Variants in NRK observed in about 807,000 individuals in gnomAD.
The protein encoded by NRK is nik-related protein kinase.
Under a neutral mutation model 125.2 loss-of-function variants are expected in NRK, and 67 were observed. The ratio of observed to expected loss-of-function variants is 0.54; its 90% CI spans 0.44 to 0.66. The LOEUF (loss-of-function observed/expected upper bound fraction) is 0.66, where lower values mean the gene tolerates loss of function less well. NRK is among the 30% of genes least tolerant of loss of function. NRK has a pLI of 0.00. For synonymous variants in NRK, 458 were observed against 429.0 expected (o/e 1.07, Z -0.84); for missense variants, 1,224 against 1,192.9 (o/e 1.03, Z -0.38).
rs748916299 is a variant in NRK at position 105,908,824 on chromosome X, C to T, written c.1183C>T (p.Leu395=). The change falls in exon 13 of 29, where the codon CTA becomes TTA. Residue 395 remains leucine, a synonymous_variant. Coordinates refer to ENST00000243300, the MANE Select transcript of NRK (RefSeq NM_198465.4). ...TGGGGAACCCTCTCAGCCAAGGTGGCTACCTGATCGAGAAGAGCCACAGGT... is the reference window on the plus strand; with the variant it reads ...TGGGGAACCCTCTCAGCCAAGGTGGTTACCTGATCGAGAAGAGCCACAGGT... The part of the protein sequence containing the change: ...LHGEPSQPRW[L]PDREEPQVQA... The T allele has an allele frequency of 8.3e-7, 1 of 1,210,852 alleles. No individual in the cohort carries two copies. The highest frequency in any genetic ancestry group is 1.1e-6 in the Non-Finnish European group (1 of 894,780).
chrX:105,953,346 A>T (rs938911139), intron 28 of NRK, among the ~76,000 whole-genome samples, 173 bp downstream of exon 28: 4 of 112,365 alleles, frequency 3.6e-5, no homozygotes, highest in African/African-American at 1.3e-4. Flanking sequence ...AGAAACGCTA[A>T]TTTGGTAAGT....
intron 2 of NRK, among the ~76,000 whole-genome samples, chrX:105,871,189 C>T (rs1447022315): frequency 9.0e-6 from 1 of 111,391 alleles, no homozygotes; most frequent in Non-Finnish European, 1.9e-5. Flanking sequence ...CTTGGCACTT[C>T]GATTATTTTG....
At chrX:105,858,540 C>T (rs970604308) in intron 2 of NRK, among the ~76,000 whole-genome samples, 4 of 110,804 alleles carry the variant, frequency 3.6e-5, no homozygotes, top group African/African-American at 1.3e-4. Flanking sequence ...TTCAGGCTCA[C>T]TTATACTGCC....
intron 10 of NRK, 29 bp from the exon 11 acceptor site, chrX:105,906,385 T>A: frequency 9.9e-7 from 1 of 1,012,709 alleles, no homozygotes; most frequent in Non-Finnish European, 1.3e-6. Flanking sequence ...GAGAACACTT[T>A]TTTTTCCTCT....
At chrX:105,933,937 A>C (rs1202053891) in intron 19 of NRK, among the ~76,000 whole-genome samples, 2 of 111,723 alleles carry the variant, frequency 1.8e-5, no homozygotes, top group Admixed American at 9.6e-5. Context: ...GGGCTATGGT[A>C]AGGATTCACA....
chrX:105,929,268 CTT>C (rs1440262408), intron 19 of NRK, among the ~76,000 whole-genome samples: 1 of 111,016 alleles, frequency 9.0e-6, no homozygotes, highest in African/African-American at 3.3e-5. Context: ...CATTCTTTGA[CTT>C]TTAACACCTG....
chrX:105,937,511 A>G lies in NRK; in HGVS notation c.3728A>G (p.Lys1243Arg), dbSNP rs2040681370. Residue 1243 changes from lysine (K) to arginine (R), a missense_variant, in exon 22 of 29, where the codon AAA becomes AGA. Coordinates refer to ENST00000243300, the MANE Select transcript of NRK (RefSeq NM_198465.4). ...MDRSGKADIT[K>R]LIRRRPFRQI... Reference sequence around the variant, plus strand: ...AGAAGTGGAAAGGCTGACATTACTAAACTTATAAGGCGAAGACCATTCCGC... The same window carrying G: ...AGAAGTGGAAAGGCTGACATTACTAGACTTATAAGGCGAAGACCATTCCGC... 2.5e-6 allele frequency: 3 copies of G among 1,199,116 alleles called. No homozygotes were observed. The highest frequency in any genetic ancestry group is 3.4e-6 in the Non-Finnish European group (3 of 885,590).
At position 105,835,773 on chromosome X, in the gene NRK, A is replaced by T. The variant is rs566302858; in HGVS notation, c.123+4654A>T. Among the ~76,000 whole-genome samples, 16 of 109,757 alleles carry T rather than the reference A, an allele frequency of 1.5e-4. No homozygotes were observed. The South Asian group carries it at 6.3e-3, about 43-fold the overall frequency. Reference sequence around the variant, plus strand: ...CTGGACCTGGTTTCCTACCTTTCCCACTGCAGTGGCTTCTCATCTCCATCA... The same window carrying T: ...CTGGACCTGGTTTCCTACCTTTCCCTCTGCAGTGGCTTCTCATCTCCATCA... On this transcript the variant is annotated intron_variant, in intron 2 of 28. Transcript: ENST00000243300.
intron 19 of NRK, among the ~76,000 whole-genome samples, chrX:105,928,122 G>A (rs944681302): frequency 7.2e-5 from 8 of 111,105 alleles, no homozygotes; most frequent in African/African-American, 2.6e-4. Flanking sequence ...TAGGGTACTG[G>A]ACTTTTCTTT....
intron 16 of NRK, among the ~76,000 whole-genome samples, chrX:105,919,376 T>C (rs2040409313): frequency 9.0e-6 from 1 of 111,667 alleles, no homozygotes; most frequent in African/African-American, 3.2e-5. Flanking sequence ...CCAAACCAGA[T>C]ACATTTGTAT....
intron 4 of NRK, among the ~76,000 whole-genome samples, chrX:105,883,177 C>T (rs1294753098): frequency 1.8e-5 from 2 of 112,496 alleles, no homozygotes; most frequent in African/African-American, 3.2e-5. Flanking sequence ...TTCTCACAAG[C>T]TCAGCTTCCT....
At chrX:105,931,290 C>G (rs1053615665) in intron 19 of NRK, among the ~76,000 whole-genome samples, 1 of 111,788 alleles carries the variant, frequency 8.9e-6, no homozygotes, top group African/African-American at 3.3e-5. Flanking sequence ...TTTACTGGCC[C>G]CCAGAACATA....
At chrX:105,950,799 A>G (rs2040886365) in intron 27 of NRK, among the ~76,000 whole-genome samples, 1 of 107,152 alleles carries the variant, frequency 9.3e-6, no homozygotes, top group Admixed American at 1.0e-4. Context: ...TTTTTAGTCT[A>G]TGTTGTTGTT....
At chrX:105,952,117 AAAATC>A in intron 27 of NRK, among the ~76,000 whole-genome samples, 1 of 112,407 alleles carries the variant, frequency 8.9e-6, no homozygotes, top group South Asian at 3.6e-4. Flanking sequence ...GAAAAAATGA[AAAATC>A]AAAGTAATTA....
intron 26 of NRK, 74 bp from the exon 27 acceptor site, chrX:105,949,501 C>A: frequency 1.2e-6 from 1 of 836,542 alleles, no homozygotes; most frequent in Non-Finnish European, 1.7e-6. Flanking sequence ...CTTTATTGCT[C>A]TGCCAAGCTG....
chrX:105,928,136 G>C (rs758709667), intron 19 of NRK, among the ~76,000 whole-genome samples: 2 of 111,011 alleles, frequency 1.8e-5, no homozygotes, highest in Non-Finnish European at 3.8e-5. Context: ...TTTCTTTGTT[G>C]GGAGACTTTT....
intron 2 of NRK, among the ~76,000 whole-genome samples, chrX:105,836,527 A>T (rs1343217218): frequency 1.8e-5 from 2 of 111,792 alleles, no homozygotes; most frequent in East Asian, 2.8e-4. Context: ...AATATTTGGG[A>T]TGGTGGTGCT....
At chrX:105,916,281 A>G (rs2040364481) in intron 15 of NRK, among the ~76,000 whole-genome samples, 1 of 111,251 alleles carries the variant, frequency 9.0e-6, no homozygotes, top group Admixed American at 9.6e-5. Flanking sequence ...TATAATATTG[A>G]TACCAGTCAC....
At chrX:105,840,250 A>G (rs780594817) in intron 2 of NRK, among the ~76,000 whole-genome samples, 3 of 111,743 alleles carry the variant, frequency 2.7e-5, no homozygotes, top group Admixed American at 9.5e-5. Flanking sequence ...GGGAAAGTAA[A>G]TGTCATGGGA....
Sources: allele counts gnomAD v4.1 joint callset (sites outside exome capture counted in the v4.1 genomes callset), GRCh38; gene constraint gnomAD v4.1.1; transcripts MANE v1.5; gene names NCBI Gene and HGNC (gene_info 2026-07-23, HGNC 2026-07-21).